GCNT2: variants seen among roughly 807,000 people sequenced by gnomAD.
GCNT2 encodes the protein N-acetyllactosaminide beta-1,6-N-acetylglucosaminyl-transferase.
A neutral mutation model predicts 34.2 loss-of-function variants in GCNT2; 34 were observed. That is an observed-to-expected ratio of 1.00 (90% confidence interval 0.76 to 1.32). The LOEUF (loss-of-function observed/expected upper bound fraction) is 1.32. Ranked by LOEUF, GCNT2 falls within the 40% of genes most tolerant of loss-of-function variation. GCNT2 has a pLI of 0.00. For missense variants in GCNT2, 584 were observed against 489.4 expected (o/e 1.19, Z -1.82); for synonymous variants, 212 against 188.0 (o/e 1.13, Z -1.04).
chr6:10,542,169 C>T (rs775706111), intron 3 of GCNT2, among the ~76,000 whole-genome samples: 13 of 152,056 alleles, frequency 8.5e-5, no homozygotes, highest in African/African-American at 2.4e-4. Context: ...AGGTTTCTAC[C>T]GTCCAAGTCA....
chr6:10,603,817 CTTTTTTT>C (rs571206713), intron 3 of GCNT2, among the ~76,000 whole-genome samples: 12 of 114,700 alleles, frequency 1.0e-4, no homozygotes, highest in Admixed American at 1.8e-4. Flanking sequence ...GCCTGACAGT[CTTTTTTT>C]TTTTTTTTTT....
intron 3 of GCNT2, among the ~76,000 whole-genome samples, chr6:10,534,141 C>CT (rs1224219034): frequency 0.031 from 3,747 of 120,258 alleles, 198 homozygotes; most frequent in African/African-American, 0.094. Context: ...CCATGCTGCT[C>CT]TTTTTTTTTT....
chr6:10,583,188 G>T (rs1485872953), intron 3 of GCNT2, among the ~76,000 whole-genome samples: 2 of 152,148 alleles, frequency 1.3e-5, no homozygotes, highest in Non-Finnish European at 2.9e-5. Context: ...CTCTCTAGCA[G>T]CTCACCAAAT....
intron 1 of GCNT2, among the ~76,000 whole-genome samples, chr6:10,523,789 G>A (rs371036112): frequency 3.3e-5 from 5 of 151,986 alleles, no homozygotes; most frequent in Non-Finnish European, 4.4e-5. Context: ...TGGCTAACAC[G>A]GTGAAACCCC....
chr6:10,620,204 C>A (rs949098767), intron 3 of GCNT2, among the ~76,000 whole-genome samples: 1 of 152,070 alleles, frequency 6.6e-6, no homozygotes, highest in Admixed American at 6.6e-5. Flanking sequence ...TTCTGCCTAC[C>A]ACAATATATC....
intron 4 of GCNT2, among the ~76,000 whole-genome samples, chr6:10,624,264 A>T (rs1766170500): frequency 6.6e-6 from 1 of 152,194 alleles, no homozygotes; most frequent in Admixed American, 6.5e-5. Flanking sequence ...TGGGTAATTT[A>T]TAAAGAAAAA....
chr6:10,537,466 C>T (rs1041077298), intron 3 of GCNT2, among the ~76,000 whole-genome samples: 3 of 151,986 alleles, frequency 2.0e-5, no homozygotes, highest in Non-Finnish European at 4.4e-5. Flanking sequence ...TTTGGGAGGC[C>T]GAGGCAGGTG....
At position 10,523,960 on chromosome 6, in the gene GCNT2, G is replaced by A. The variant is rs796948086; in HGVS notation, c.-469+2543G>A. Among the ~76,000 whole-genome samples, 281 of 120,486 alleles carry A rather than the reference G, an allele frequency of 2.3e-3. 1 individual carries two copies. Among genetic ancestry groups the A allele is most frequent in the African/African-American group, 8.1e-3 (261 of 32,402 alleles). The allele number at this position is 120,486 out of a possible 152,430, so 79.0% of individuals were successfully genotyped here. A position where few individuals can be genotyped will look rare whatever the true frequency, so the allele number is the denominator to read the frequency against. On this transcript the variant is annotated intron_variant, in intron 1 of 4. Transcript: ENST00000495262. ...TGCACTCCAGCCTGGGTGACAGAGC[G>A]AGACTCTGTCTCAAAAAAAAAAAAA...
chr6:10,607,763 C>CT (rs1177452160), intron 3 of GCNT2, among the ~76,000 whole-genome samples: 5 of 152,158 alleles, frequency 3.3e-5, no homozygotes, highest in Admixed American at 1.3e-4. Context: ...ATGATAGATA[C>CT]TTTAACAGCA....
chr6:10,607,763 C>A (rs1554137128), intron 3 of GCNT2, among the ~76,000 whole-genome samples: 2 of 152,158 alleles, frequency 1.3e-5, no homozygotes, highest in Non-Finnish European at 1.5e-5. Flanking sequence ...ATGATAGATA[C>A]TTTAACAGCA....
At chr6:10,561,245 C>T (rs1289265193) in intron 3 of GCNT2, among the ~76,000 whole-genome samples, 1 of 152,168 alleles carries the variant, frequency 6.6e-6, no homozygotes, top group Non-Finnish European at 1.5e-5. Context: ...TCACCGCAAC[C>T]TCCGCCTCCT....
At chr6:10,532,009 G>C (rs1761516660) in intron 3 of GCNT2, among the ~76,000 whole-genome samples, 1 of 151,700 alleles carries the variant, frequency 6.6e-6, no homozygotes, top group Non-Finnish European at 1.5e-5. Context: ...GACCAACTCT[G>C]TCGTTTTGGA....
intron 3 of GCNT2, among the ~76,000 whole-genome samples, chr6:10,549,510 C>T (rs955045293): frequency 6.6e-6 from 1 of 150,722 alleles, no homozygotes; most frequent in African/African-American, 2.4e-5. Flanking sequence ...CATATCTTCA[C>T]GAATTGAATT....
At chr6:10,551,973 G>C (rs1156513053) in intron 3 of GCNT2, among the ~76,000 whole-genome samples, 1 of 151,674 alleles carries the variant, frequency 6.6e-6, no homozygotes, top group East Asian at 1.9e-4. Flanking sequence ...TGGCCAGGCT[G>C]GTCTCAAACT....
intron 3 of GCNT2, among the ~76,000 whole-genome samples, chr6:10,582,221 ATT>A (rs1259003699): frequency 6.4e-5 from 7 of 109,480 alleles, no homozygotes; most frequent in African/African-American, 2.3e-4. Context: ...TATATATATA[ATT>A]ATATATATTT....
At chr6:10,594,419 G>A (rs1048036452) in intron 3 of GCNT2, among the ~76,000 whole-genome samples, 21 of 152,136 alleles carry the variant, frequency 1.4e-4, no homozygotes, top group African/African-American at 4.3e-4. Context: ...CTGATATTTG[G>A]GATGTACTCA....
chr6:10,556,617 T>C, intron 3 of GCNT2: 3 of 1,614,138 alleles, frequency 1.9e-6, no homozygotes, highest in Non-Finnish European at 2.5e-6. Flanking sequence ...AACAAACTAA[T>C]GATCCATGAG....
intron 3 of GCNT2, chr6:10,586,699 C>T (rs1403126081): frequency 6.2e-7 from 1 of 1,613,996 alleles, no homozygotes; most frequent in Non-Finnish European, 8.5e-7. Flanking sequence ...CAAGAGCATA[C>T]AGATAAAGGT....
intron 3 of GCNT2, chr6:10,585,785 A>T: frequency 7.0e-7 from 1 of 1,434,680 alleles, no homozygotes; most frequent in Non-Finnish European, 9.1e-7. Context: ...AGAGGGACGC[A>T]CCGCATCTCC....
Sources: gnomAD v4.1 joint callset for allele counts (sites outside exome capture counted in the v4.1 genomes callset) on GRCh38, gnomAD v4.1.1 for gene constraint, MANE v1.5 for transcripts, NCBI Gene and HGNC (gene_info 2026-07-23, HGNC 2026-07-21) for gene names.